The following ACBD6 variants were observed in gnomAD, a reference collection of about 807,000 sequenced individuals.
ACBD6 encodes the protein acyl-CoA-binding domain-containing protein 6.
In ACBD6, 28 loss-of-function variants were observed where a neutral mutation model predicts 37.2. That is an observed-to-expected ratio of 0.75 (90% CI 0.56 to 1.03). ACBD6 has a LOEUF of 1.03. ACBD6 is among the 50% of genes least tolerant of loss of function. ACBD6 has a pLI of 0.00. For synonymous variants in ACBD6, 113 were observed against 126.8 expected (o/e 0.89, Z 0.73); for missense variants, 340 against 337.4 (o/e 1.01, Z -0.06).
rs1649010777 is a variant in ACBD6 at position 180,435,743 on chromosome 1, C to T, written c.385-5481G>A. The T allele has an allele frequency of 3.6e-6, 3 of 842,094 alleles. No individual in the cohort carries two copies. In the Admixed American group the frequency reaches 5.1e-5, roughly 14 times the overall value. 52.2% of individuals were successfully genotyped at this position (842,094 alleles called of 1,614,324 possible). A position where few individuals can be genotyped will look rare whatever the true frequency, so the allele number is the denominator to read the frequency against. On this transcript the variant is annotated intron_variant, in intron 3 of 7. Coordinates refer to ENST00000367595, the MANE Select transcript of ACBD6 (RefSeq NM_032360.4). ...CTGGACAGCAGGAAACAGTAACACG[C>T]ACTTCAGAATAGCAGCCAAGTATCA...
At chr1:180,352,021 T>C (rs936735368) in intron 6 of ACBD6, among the ~76,000 whole-genome samples, 1 of 152,184 alleles carries the variant, frequency 6.6e-6, no homozygotes, top group Non-Finnish European at 1.5e-5. Flanking sequence ...GAAGACATTA[T>C]GCTAAATAAA....
At chr1:180,477,536 T>C (rs1050608114) in intron 3 of ACBD6, among the ~76,000 whole-genome samples, 18 of 152,122 alleles carry the variant, frequency 1.2e-4, no homozygotes, top group Non-Finnish European at 2.6e-4. Flanking sequence ...CTGTTCCTAG[T>C]AACAAAACAT....
exon 14 of ACBD6, chr1:180,271,897 C>T: frequency 6.2e-7 from 1 of 1,613,572 alleles, no homozygotes; most frequent in Non-Finnish European, 8.5e-7. Context: ...GGCGGCACCG[C>T]TGGGGGCAGT....
intron 6 of ACBD6, among the ~76,000 whole-genome samples, chr1:180,332,736 A>G (rs1651533479): frequency 6.6e-6 from 1 of 152,146 alleles, no homozygotes; most frequent in African/African-American, 2.4e-5. Flanking sequence ...TAAAGTGCAC[A>G]ATAAATGTAA....
At chr1:180,360,165 A>C (rs12060683) in intron 6 of ACBD6, among the ~76,000 whole-genome samples, 2,914 of 152,270 alleles carry the variant, frequency 0.019, 103 homozygotes, top group African/African-American at 0.066. Context: ...CAGGGACCTA[A>C]GTTTTCTCTT....
intron 3 of ACBD6, among the ~76,000 whole-genome samples, chr1:180,475,895 A>G (rs1236084344): frequency 6.6e-6 from 1 of 152,192 alleles, no homozygotes; most frequent in Non-Finnish European, 1.5e-5. Flanking sequence ...TTGGTGGGGC[A>G]CTTTTCATTT....
At chr1:180,425,517 C>T (rs1445434743) in intron 4 of ACBD6, among the ~76,000 whole-genome samples, 2 of 152,134 alleles carry the variant, frequency 1.3e-5, no homozygotes, top group African/African-American at 4.8e-5. Flanking sequence ...GTGCTAAAGG[C>T]AGTGGTATCA....
At chr1:180,341,173 C>T (rs964110528) in intron 6 of ACBD6, among the ~76,000 whole-genome samples, 67 of 152,150 alleles carry the variant, frequency 4.4e-4, no homozygotes, top group African/African-American at 1.5e-3. Flanking sequence ...CAGTCTTTGC[C>T]TTTATGGAGT....
chr1:180,450,748 ACT>A (rs1310415650), intron 3 of ACBD6, among the ~76,000 whole-genome samples: 2 of 151,972 alleles, frequency 1.3e-5, no homozygotes, highest in Non-Finnish European at 2.9e-5. Flanking sequence ...CGACAGTGAG[ACT>A]CTGTCAAAAA....
intron 6 of ACBD6, among the ~76,000 whole-genome samples, chr1:180,355,115 T>C (rs538449207): frequency 1.3e-5 from 2 of 152,320 alleles, no homozygotes; most frequent in Non-Finnish European, 2.9e-5. Flanking sequence ...CACTAGGCAA[T>C]TTTTACATGA....
chr1:180,498,186 GT>G (rs1201612166), intron 1 of ACBD6, among the ~76,000 whole-genome samples: 5 of 152,144 alleles, frequency 3.3e-5, no homozygotes, highest in African/African-American at 1.2e-4. Context: ...ATCAAAAAAA[GT>G]TTTTAAGTAC....
chr1:180,414,862 T>G (rs1249088620), intron 4 of ACBD6, among the ~76,000 whole-genome samples: 1 of 151,728 alleles, frequency 6.6e-6, no homozygotes, highest in African/African-American at 2.4e-5. Context: ...GTAAAGAAAA[T>G]AAGAAGTGAG....
At position 180,319,797 on chromosome 1, in the gene ACBD6, C is replaced by G. The variant is rs114771566; in HGVS notation, c.664-5075G>C. On this transcript the variant is annotated intron_variant, in intron 6 of 7. Coordinates refer to ENST00000367595, the MANE Select transcript of ACBD6 (RefSeq NM_032360.4). Reference sequence around the variant, plus strand: ...GGCTTATTTCACTTAACATAATGATCTCCAGGGTCTATCCATGTTGTTGCA... The same window carrying G: ...GGCTTATTTCACTTAACATAATGATGTCCAGGGTCTATCCATGTTGTTGCA... 5.7e-3 allele frequency among the ~76,000 whole-genome samples: 873 copies of G among 152,258 alleles called. 1 individual carries two copies. Among genetic ancestry groups the G allele is most frequent in the Non-Finnish European group, 9.0e-3 (614 of 68,016 alleles).
At chr1:180,357,012 A>G (rs1169583225) in intron 6 of ACBD6, among the ~76,000 whole-genome samples, 5 of 152,228 alleles carry the variant, frequency 3.3e-5, no homozygotes, top group Non-Finnish European at 5.9e-5. Flanking sequence ...TTATTTGGAA[A>G]GAGACAAGGA....
intron 13 of ACBD6, chr1:180,272,481 G>C (rs1648731541): frequency 6.4e-6 from 1 of 157,064 alleles, no homozygotes; most frequent in Non-Finnish European, 1.4e-5. Context: ...TACTGTGAGT[G>C]CATGTGAGAT....
At chr1:180,460,499 A>G (rs1650104180) in intron 3 of ACBD6, among the ~76,000 whole-genome samples, 3 of 151,942 alleles carry the variant, frequency 2.0e-5, no homozygotes, top group Admixed American at 2.0e-4. Flanking sequence ...CAGGGTCTCC[A>G]GCTACCTCCT....
At chr1:180,290,092 T>A (rs1450904761) in intron 7 of ACBD6, among the ~76,000 whole-genome samples, 1 of 152,190 alleles carries the variant, frequency 6.6e-6, no homozygotes, top group Non-Finnish European at 1.5e-5. Context: ...CATATACATT[T>A]TATATACTCT....
chr1:180,311,429 T>C (rs913696625), intron 7 of ACBD6, among the ~76,000 whole-genome samples: 7 of 152,156 alleles, frequency 4.6e-5, no homozygotes, highest in Non-Finnish European at 8.8e-5. Context: ...AGTTCTTTCT[T>C]TTTTGCTTTT....
At chr1:180,427,429 T>C (rs958462629) in intron 4 of ACBD6, among the ~76,000 whole-genome samples, 2 of 152,202 alleles carry the variant, frequency 1.3e-5, no homozygotes, top group East Asian at 1.9e-4. Context: ...TGCCAAGAAA[T>C]TGCAATTAAT....
Sources: gnomAD v4.1 joint callset for allele counts (sites outside exome capture counted in the v4.1 genomes callset) on GRCh38, gnomAD v4.1.1 for gene constraint, MANE v1.5 for transcripts, NCBI Gene and HGNC (gene_info 2026-07-23, HGNC 2026-07-21) for gene names.